The following WARS2 variants were observed in gnomAD, a reference collection of about 807,000 sequenced individuals.
WARS2 encodes tryptophan--tRNA ligase, mitochondrial.
In WARS2, 28 loss-of-function variants were observed where a neutral mutation model predicts 36.5. That is an observed-to-expected ratio of 0.77 (90% confidence interval 0.57 to 1.05). The LOEUF (loss-of-function observed/expected upper bound fraction) is 1.05. Among genes scored for constraint, WARS2 ranks in the 50% least tolerant of loss-of-function variants. WARS2 has a pLI of 0.00. For missense variants in WARS2, 435 were observed against 456.8 expected (o/e 0.95, Z 0.44); for synonymous variants, 174 against 178.4 (o/e 0.98, Z 0.20).
chr1:119,085,623 T>G (rs1456018865), intron 1 of WARS2: 21 of 1,454,818 alleles, frequency 1.4e-5, no homozygotes, highest in Non-Finnish European at 1.9e-5. Flanking sequence ...GTTAGACACA[T>G]GATCCACTCG....
chr1:119,066,651 A>G (rs1473144866), intron 2 of WARS2, among the ~76,000 whole-genome samples: 1 of 152,178 alleles, frequency 6.6e-6, no homozygotes, highest in Non-Finnish European at 1.5e-5. Flanking sequence ...AGGAGTTAAA[A>G]CATAAGAAAT....
chr1:119,129,600 C>T (rs587593785), intron 1 of WARS2, among the ~76,000 whole-genome samples: 7 of 152,102 alleles, frequency 4.6e-5, no homozygotes, highest in South Asian at 2.1e-4. Flanking sequence ...GCCCCAGCTA[C>T]GCAGGAAGCT....
chr1:119,068,200 G>C (rs1651025721), intron 2 of WARS2, among the ~76,000 whole-genome samples: 1 of 152,132 alleles, frequency 6.6e-6, no homozygotes, highest in Non-Finnish European at 1.5e-5. Flanking sequence ...GAACAACTTT[G>C]AGAGTTTAAC....
rs548260804 is a variant in WARS2, at chr1:119,035,114, T to G, written c.516-901A>C. 3.2e-4 allele frequency among the ~76,000 whole-genome samples: 49 copies of G among 152,340 alleles called. 1 individual carries two copies. The highest frequency in any genetic ancestry group is 1.0e-3 in the African/African-American group (43 of 41,576). On this transcript the variant is annotated intron_variant, in intron 4 of 5. Coordinates refer to ENST00000235521, the MANE Select transcript of WARS2 (RefSeq NM_015836.4). Reference sequence around the variant, plus strand: ...ACTTCATCATGAGTTTAATCCCATATGTAAAGTTTGCAGTGTCAGATCATG... The same window carrying G: ...ACTTCATCATGAGTTTAATCCCATAGGTAAAGTTTGCAGTGTCAGATCATG...
chr1:119,132,849 T>C (rs1376918222), intron 1 of WARS2, among the ~76,000 whole-genome samples: 1 of 152,238 alleles, frequency 6.6e-6, no homozygotes, highest in Non-Finnish European at 1.5e-5. Context: ...TAATGAATTA[T>C]AGACCTCTTT....
chr1:119,084,122 G>A (rs1306216404), intron 1 of WARS2, among the ~76,000 whole-genome samples: 1 of 151,384 alleles, frequency 6.6e-6, no homozygotes, highest in African/African-American at 2.4e-5. Flanking sequence ...CTAGGCTCAA[G>A]CAGTCCACCC....
chr1:119,081,074 G>A (rs1652158124), intron 1 of WARS2, among the ~76,000 whole-genome samples: 2 of 152,108 alleles, frequency 1.3e-5, no homozygotes, highest in South Asian at 4.1e-4. Context: ...CAAATCCCTG[G>A]GGAGCTTCAG....
intron 2 of WARS2, among the ~76,000 whole-genome samples, chr1:119,065,973 A>G (rs1189154258): frequency 6.6e-6 from 1 of 152,214 alleles, no homozygotes; most frequent in Non-Finnish European, 1.5e-5. Context: ...TGTAAGATCT[A>G]CATAACTCAG....
intron 1 of WARS2, among the ~76,000 whole-genome samples, chr1:119,092,541 G>A (rs1362555275): frequency 1.3e-5 from 2 of 152,012 alleles, no homozygotes; most frequent in Admixed American, 6.6e-5. Flanking sequence ...CCCCGATTCT[G>A]CACTGTATTC....
intron 1 of WARS2, chr1:119,085,553 C>T (rs1218438849): frequency 3.7e-6 from 6 of 1,611,294 alleles, no homozygotes; most frequent in African/African-American, 1.3e-5. Context: ...CCCCACAGCC[C>T]TTCTCCTGGA....
intron 1 of WARS2, among the ~76,000 whole-genome samples, 174 bp from the exon 2 acceptor site, chr1:119,076,781 G>A (rs1651773174): frequency 6.6e-6 from 1 of 151,950 alleles, no homozygotes; most frequent in Admixed American, 6.6e-5. Context: ...GGTGCTACTA[G>A]GCACAAAAAA....
intron 2 of WARS2, among the ~76,000 whole-genome samples, chr1:119,066,274 G>C (rs751797925): frequency 4.0e-5 from 6 of 151,866 alleles, no homozygotes; most frequent in African/African-American, 1.5e-4. Flanking sequence ...TCAGGAGATC[G>C]AGAACCATCC....
At chr1:119,119,558 T>G (rs1165262233) in intron 1 of WARS2, among the ~76,000 whole-genome samples, 2 of 151,978 alleles carry the variant, frequency 1.3e-5, no homozygotes, top group Non-Finnish European at 2.9e-5. Flanking sequence ...TAAAACAAAC[T>G]GACTTAACAG....
intron 2 of WARS2, chr1:119,063,356 T>C (rs1411133680): frequency 1.3e-5 from 2 of 152,068 alleles, no homozygotes; most frequent in African/African-American, 4.8e-5. Flanking sequence ...GTTTGGAAAA[T>C]TTGCAGCCTG....
At chr1:119,084,084 G>A (rs981318006) in intron 1 of WARS2, among the ~76,000 whole-genome samples, 1 of 150,780 alleles carries the variant, frequency 6.6e-6, no homozygotes, top group African/African-American at 2.4e-5. Flanking sequence ...TACTGTGGAC[G>A]ATCAGAGCTC....
chr1:119,126,585 A>G (rs587741731), intron 1 of WARS2: 9 of 661,440 alleles, frequency 1.4e-5, no homozygotes, highest in African/African-American at 1.3e-4. Flanking sequence ...AGTTCGTTCA[A>G]CTTTAGCACC....
At chr1:119,124,384 G>C (rs1390326542) in intron 1 of WARS2, among the ~76,000 whole-genome samples, 1 of 152,076 alleles carries the variant, frequency 6.6e-6, no homozygotes, top group Non-Finnish European at 1.5e-5. Context: ...CAGCTACTTG[G>C]AATGCTGAGG....
intron 1 of WARS2, among the ~76,000 whole-genome samples, chr1:119,095,316 T>C (rs1332432302): frequency 6.6e-6 from 1 of 152,232 alleles, no homozygotes; most frequent in Admixed American, 6.5e-5. Context: ...AGTAGTTTAG[T>C]CTCTCAATAT....
intron 1 of WARS2, among the ~76,000 whole-genome samples, chr1:119,102,390 T>A (rs1389724716): frequency 6.6e-6 from 1 of 152,182 alleles, no homozygotes; most frequent in Non-Finnish European, 1.5e-5. Context: ...TGTACCAACT[T>A]TTCTACTTCG....
Sources: gnomAD v4.1 joint callset for allele counts (sites outside exome capture counted in the v4.1 genomes callset) on GRCh38, gnomAD v4.1.1 for gene constraint, MANE v1.5 for transcripts, NCBI Gene and HGNC (gene_info 2026-07-23, HGNC 2026-07-21) for gene names.